The following ZNF568 variants were observed in gnomAD, a reference collection of about 807,000 sequenced individuals.
ZNF568 encodes the protein zinc finger protein 568.
ZNF568 carries 11 observed loss-of-function variants against 18.1 expected under a neutral mutation model. That is an observed-to-expected ratio of 0.61 (90% CI 0.38 to 1.00). The LOEUF (loss-of-function observed/expected upper bound fraction) is 1.00. Among genes scored for constraint, ZNF568 ranks in the 50% least tolerant of loss-of-function variants. The pLI is 0.01. For missense variants in ZNF568, 639 were observed against 768.2 expected, an observed-to-expected ratio of 0.83 and a Z score of 1.99; for synonymous variants, 213 against 246.6, an observed-to-expected ratio of 0.86 and a Z score of 1.28.
intron 6 of ZNF568, among the ~76,000 whole-genome samples, chr19:36,957,743 GAA>G (rs1208094967): frequency 6.6e-6 from 1 of 152,222 alleles, no homozygotes; most frequent in African/African-American, 2.4e-5. Context: ...AGGTGGAAAA[GAA>G]GAGCAAGATT....
chr19:36,937,073 C>A (rs2073802898), intron 5 of ZNF568, 74 bp from the exon 6 acceptor site: 1 of 1,497,562 alleles, frequency 6.7e-7, no homozygotes, highest in Non-Finnish European at 9.2e-7. Context: ...AGCCCTCAAG[C>A]TTGGACTTAG....
chr19:36,981,639 C>T (rs1482121002), downstream of ZNF568, among the ~76,000 whole-genome samples: 1 of 152,074 alleles, frequency 6.6e-6, no homozygotes, highest in African/African-American at 2.4e-5. Flanking sequence ...CGTAAGGAGA[C>T]CGAGGCAGGC....
downstream of ZNF568, chr19:36,997,610 T>G (rs756484889): frequency 6.5e-7 from 1 of 1,540,144 alleles, no homozygotes; most frequent in Non-Finnish European, 8.8e-7. Context: ...CACCAGAAAA[T>G]TCATACTGGT....
chr19:36,991,316 C>T (rs777199717), intron 3 of ZNF568: 1 of 1,527,376 alleles, frequency 6.5e-7, no homozygotes, highest in South Asian at 1.2e-5. Context: ...TTATCTGCCC[C>T]TCCGTACACC....
chr19:36,917,020 T>G (rs2073349516), intron 1 of ZNF568, among the ~76,000 whole-genome samples: 1 of 152,184 alleles, frequency 6.6e-6, no homozygotes. Flanking sequence ...TCTTATGACT[T>G]GCTGCTTTTA....
chr19:36,925,140 A>T, intron 3 of ZNF568, 60 bp from the exon 4 acceptor site: 1 of 1,524,744 alleles, frequency 6.6e-7, no homozygotes, highest in East Asian at 2.3e-5. Context: ...GGTACTGAAG[A>T]TTTCTATATT....
intron 7 of ZNF568, among the ~76,000 whole-genome samples, chr19:36,975,534 T>C (rs1484350819): frequency 6.6e-6 from 1 of 151,698 alleles, no homozygotes; most frequent in African/African-American, 2.4e-5. Context: ...TACAGGCGCA[T>C]GCCACCACGC....
At chr19:36,940,732 G>A (rs1276694929) in intron 6 of ZNF568, among the ~76,000 whole-genome samples, 1 of 152,156 alleles carries the variant, frequency 6.6e-6, no homozygotes, top group African/African-American at 2.4e-5. Context: ...TTTAAGAGAA[G>A]GGCTGTAGAA....
chr19:36,919,683 T>C (rs2073418063), intron 2 of ZNF568, among the ~76,000 whole-genome samples: 1 of 152,150 alleles, frequency 6.6e-6, no homozygotes, highest in African/African-American at 2.4e-5. Flanking sequence ...GAACCAGTAC[T>C]GTACCAGTAC....
chr19:36,930,110 C>A (rs2073659475), intron 4 of ZNF568, among the ~76,000 whole-genome samples: 1 of 151,816 alleles, frequency 6.6e-6, no homozygotes. Context: ...GGAAAATAGA[C>A]CCTATTGTAA....
intron 6 of ZNF568, among the ~76,000 whole-genome samples, chr19:36,944,908 C>G (rs1020438785): frequency 2.5e-4 from 38 of 152,174 alleles, no homozygotes; most frequent in African/African-American, 8.9e-4. Context: ...TATAGTCAAA[C>G]TACTATGTTT....
chr19:36,926,508 T>C (rs1378399147), intron 4 of ZNF568, among the ~76,000 whole-genome samples: 1 of 152,210 alleles, frequency 6.6e-6, no homozygotes, highest in Non-Finnish European at 1.5e-5. Context: ...TTCTTAATCT[T>C]TTTGTGACTC....
chr19:36,930,017 T>C (rs1427919647), intron 4 of ZNF568, among the ~76,000 whole-genome samples: 3 of 151,634 alleles, frequency 2.0e-5, no homozygotes, highest in Non-Finnish European at 4.4e-5. Context: ...TGAATTTATG[T>C]TTTTTAAGGT....
At chr19:36,989,664 C>T (rs1033364984) in intron 2 of ZNF568, among the ~76,000 whole-genome samples, 6 of 152,182 alleles carry the variant, frequency 3.9e-5, no homozygotes, top group Non-Finnish European at 7.3e-5. Flanking sequence ...AAGAGCTCCT[C>T]CTGCCTCAGC....
intron 5 of ZNF568, 105 bp from the exon 6 acceptor site, chr19:36,937,042 C>A: frequency 7.3e-7 from 1 of 1,368,490 alleles, no homozygotes; most frequent in Non-Finnish European, 1.0e-6. Flanking sequence ...TGTGTAAGTT[C>A]ATTCATCCTC....
chr19:36,980,683 A>G (rs1321432085), downstream of ZNF568, among the ~76,000 whole-genome samples: 4 of 152,232 alleles, frequency 2.6e-5, no homozygotes, highest in Non-Finnish European at 2.9e-5. Flanking sequence ...TTACCCTCCC[A>G]GTATTGATGT....
At chr19:36,932,722 T>A (rs1344551290) in intron 4 of ZNF568, among the ~76,000 whole-genome samples, 2 of 152,248 alleles carry the variant, frequency 1.3e-5, no homozygotes, top group African/African-American at 4.8e-5. Flanking sequence ...TGGTTATAGC[T>A]GTCCTAGTGG....
chr19:36,960,276 C>T (rs2074138882), intron 6 of ZNF568, among the ~76,000 whole-genome samples: 1 of 151,478 alleles, frequency 6.6e-6, no homozygotes, highest in South Asian at 2.1e-4. Context: ...CACCACCATG[C>T]CCAGCTAATG....
Position 36,951,362 on chromosome 19 carries a change from T to C in ZNF568, c.*274T>C, listed in dbSNP as rs2074057297. The C allele has an allele frequency of 3.8e-6, 1 of 262,018 alleles. No homozygotes were observed. The highest frequency in any genetic ancestry group is 2.2e-5 in the African/African-American group (1 of 45,142). The allele number at this position is 262,018 out of a possible 1,614,324, so 16.2% of individuals were successfully genotyped here. A position where few individuals can be genotyped will look rare whatever the true frequency, so the allele number is the denominator to read the frequency against. On this transcript the variant is annotated 3_prime_UTR_variant, in exon 7 of 7. Coordinates refer to ENST00000333987, the MANE Select transcript of ZNF568 (RefSeq NM_198539.4). The stretch of plus-strand genomic sequence containing the variant: ...AAATGATTATAAAATTCATGTGAAA[T>C]AGAAGTGTATGAATTGCTGCGACAA...
Sources: allele counts gnomAD v4.1 joint callset (sites outside exome capture counted in the v4.1 genomes callset), GRCh38; gene constraint gnomAD v4.1.1; transcripts MANE v1.5; gene names NCBI Gene and HGNC (gene_info 2026-07-23, HGNC 2026-07-21).